SPATA20: variants seen among roughly 807,000 people sequenced by gnomAD.
SPATA20 encodes spermatogenesis-associated protein 20.
A neutral mutation model predicts 98.9 loss-of-function variants in SPATA20; 74 were observed. The observed-to-expected ratio is 0.75, with a 90% CI of 0.62 to 0.91. SPATA20 has a LOEUF of 0.91. Among genes scored for constraint, SPATA20 ranks in the 40% least tolerant of loss-of-function variants. The pLI is 0.00. For missense variants in SPATA20, 1,016 were observed against 1,069.8 expected (o/e 0.95, Z 0.70); for synonymous variants, 430 against 440.5 (o/e 0.98, Z 0.30).
chr17:50,549,850 T>TAG, intron 7 of SPATA20, 135 bp from the exon 8 acceptor site: 1 of 1,002,236 alleles, frequency 1.0e-6, no homozygotes, highest in South Asian at 1.6e-5. Context: ...GGTTGACTCT[T>TAG]GACCTCACAG....
Position 50,554,240 on chromosome 17 carries a change from A to G in SPATA20, c.1958-11A>G, listed in dbSNP as rs2144070814. 1 of 1,613,560 alleles carries G rather than the reference A, an allele frequency of 6.2e-7. No individual in the cohort carries two copies. The highest frequency in any genetic ancestry group is 8.5e-7 in the Non-Finnish European group (1 of 1,179,852). On this transcript the variant is annotated splice_polypyrimidine_tract_variant and intron_variant, in intron 14 of 16. Transcript: ENST00000006658. The stretch of plus-strand genomic sequence containing the variant: ...CCTTACCCCCACCCCCTGCCTCCCT[A>G]TGTGCTGTAGACCAGGATGGAGCAG...
Position 50,550,689 on chromosome 17 carries a change from A to G in SPATA20, c.1174-19A>G. 1 of 1,613,258 alleles carries G rather than the reference A, an allele frequency of 6.2e-7. No individual in the cohort carries two copies. The highest frequency in any genetic ancestry group is 1.7e-5 in the Admixed American group (1 of 60,024). On this transcript the variant is annotated intron_variant, in intron 10 of 16. Coordinates refer to ENST00000006658, the MANE Select transcript of SPATA20 (RefSeq NM_022827.4). ...ACTGCCCTGTGGGCCGGGGCCAGCC[A>G]ACTCTCCCCTCCCCACAGTCCGGAG...
chr17:50,551,343 C>A, intron 12 of SPATA20, 153 bp downstream of exon 12: 1 of 1,151,680 alleles, frequency 8.7e-7, no homozygotes, highest in Non-Finnish European at 1.2e-6. Context: ...GTAACCCGCC[C>A]AAGGTCACGC....
At chr17:50,549,218 G>A (rs774935416) in intron 6 of SPATA20, 32 bp downstream of exon 6, 13 of 1,595,252 alleles carry the variant, frequency 8.1e-6, no homozygotes, top group South Asian at 1.1e-5. Flanking sequence ...GGGGGACCAG[G>A]GTGGGGGACT....
chr17:50,551,081 T>A lies in SPATA20; in HGVS notation c.1467T>A (p.Asp489Glu). 1 of 1,613,040 alleles carries A rather than the reference T, an allele frequency of 6.2e-7. No homozygotes were observed. Among genetic ancestry groups the A allele is most frequent in the South Asian group, 1.1e-5 (1 of 91,080 alleles). Residue 489 changes from aspartate to glutamate, a missense_variant, in exon 12 of 17, where the codon GAT becomes GAA. Transcript: ENST00000006658. Reference sequence around the variant, plus strand: ...TGACTGCTGCCCGCTTTGGCTTGGATGTGGAGGCCGTGCGGACCTTGCTCA... The same window carrying A: ...TGACTGCTGCCCGCTTTGGCTTGGAAGTGGAGGCCGTGCGGACCTTGCTCA... ...LELTAARFGL[D>E]VEAVRTLLNS...
In SPATA20 at chr17:50,548,544, C is replaced by T. The variant is rs777319046; in HGVS notation, c.297-10C>T. ...GGCTACTGAGTGATGCCCCACCCTGCTGGGTCTAGGTACCCCTGGGGACAG... is the reference window on the plus strand; with the variant it reads ...GGCTACTGAGTGATGCCCCACCCTGTTGGGTCTAGGTACCCCTGGGGACAG... On this transcript the variant is annotated splice_polypyrimidine_tract_variant and intron_variant, in intron 3 of 16. Coordinates refer to ENST00000006658, the MANE Select transcript of SPATA20 (RefSeq NM_022827.4). The T allele has an allele frequency of 6.2e-7, 1 of 1,613,636 alleles. No homozygotes were observed. The highest frequency in any genetic ancestry group is 8.5e-7 in the Non-Finnish European group (1 of 1,179,794).
At chr17:50,547,874 G>A in intron 2 of SPATA20, 107 bp downstream of exon 2, 1 of 1,166,058 alleles carries the variant, frequency 8.6e-7, no homozygotes, top group Non-Finnish European at 1.3e-6. Context: ...ACCAACAGTA[G>A]GCTGCCTTCC....
chr17:50,555,368 C>G, intron 16 of SPATA20, 56 bp downstream of exon 16: 1 of 1,592,136 alleles, frequency 6.3e-7, no homozygotes, highest in Non-Finnish European at 8.6e-7. Flanking sequence ...CCCTCCCATC[C>G]TCAGCTCCTC....
At chr17:50,548,734 T>G in intron 4 of SPATA20, 76 bp from the exon 5 acceptor site, 1 of 1,593,056 alleles carries the variant, frequency 6.3e-7, no homozygotes, top group African/African-American at 1.3e-5. Context: ...ACGTCTTCCA[T>G]GTAGCCAGGG....
intron 13 of SPATA20, 82 bp from the exon 14 acceptor site, chr17:50,551,887 A>G (rs2035021940): frequency 1.5e-6 from 2 of 1,355,642 alleles, no homozygotes; most frequent in African/African-American, 1.5e-5. Context: ...TTAAGTGAAC[A>G]AATGCGTGAA....
At position 50,550,196 on chromosome 17, in the gene SPATA20, G is replaced by T. The variant is rs781172250; in HGVS notation, c.994-12G>T. The T allele has an allele frequency of 1.3e-5, 21 of 1,612,746 alleles. No homozygotes were observed. Among genetic ancestry groups the T allele is most frequent in the Non-Finnish European group, 1.6e-5 (19 of 1,179,778 alleles). On this transcript the variant is annotated splice_polypyrimidine_tract_variant and intron_variant, in intron 8 of 16. Coordinates refer to ENST00000006658, the MANE Select transcript of SPATA20 (RefSeq NM_022827.4). The stretch of plus-strand genomic sequence containing the variant: ...GAAGCTGGGACTGGCCTCCAGCTTT[G>T]TATCCGCACAGGGCTTTCACCGCTA...
chr17:50,552,144 G>A lies in SPATA20; in HGVS notation c.1921G>A (p.Glu641Lys). The change falls in exon 14 of 17, where the codon GAG becomes AAG. Residue 641 changes from glutamate (E) to lysine (K), a missense_variant. Glu to Lys is a moderately conservative substitution (Grantham distance 56). Transcript: ENST00000006658. ...QGGGYFCSEAELGAGLPLRLK... is the reference protein window; with the variant it reads ...QGGGYFCSEAKLGAGLPLRLK... ...TGGCGGCTACTTCTGCAGTGAGGCT[G>A]AGCTGGGGGCTGGCCTGCCCCTGCG... 6.2e-7 allele frequency: 1 copy of A among 1,613,812 alleles called. No individual in the cohort carries two copies. The highest frequency in any genetic ancestry group is 1.1e-5 in the South Asian group (1 of 91,082).
chr17:50,548,520 GCTA>G, intron 3 of SPATA20, 31 bp from the exon 4 acceptor site: 3 of 1,613,454 alleles, frequency 1.9e-6, no homozygotes, highest in Non-Finnish European at 2.5e-6. Flanking sequence ...GACCCCCTGG[GCTA>G]CTGAGTGATG....
In SPATA20 at chr17:50,549,096, C is replaced by T. The variant is rs745874128; in HGVS notation, c.570C>T (p.Leu190=). The change falls in exon 6 of 17, where the codon CTC becomes CTT. Residue 190 remains leucine, a synonymous_variant. Transcript: ENST00000006658. ...WPMNVWLTPN[L]QPFVGGTYFP... is the part of the protein sequence containing the mutation. The stretch of plus-strand genomic sequence containing the variant: ...TGAATGTGTGGCTGACTCCCAACCT[C>T]CAGCCCTTTGTCGGGGGCACCTATT... 1.2e-6 allele frequency: 2 copies of T among 1,613,494 alleles called. No homozygotes were observed. Among genetic ancestry groups the T allele is most frequent in the Admixed American group, 3.3e-5 (2 of 59,990 alleles).
At position 50,552,006 on chromosome 17, in the gene SPATA20, T is replaced by G; in HGVS notation, c.1783T>G (p.Phe595Val). 6.2e-7 allele frequency: 1 copy of G among 1,612,258 alleles called. No individual in the cohort carries two copies. ...PCWGFLEDYA[F>V]VVRGLLDLYE... Reference sequence around the variant, plus strand: ...CTGGGGCTTCCTGGAGGACTACGCCTTCGTGGTGCGGGGCCTGCTGGACCT... The same window carrying G: ...CTGGGGCTTCCTGGAGGACTACGCCGTCGTGGTGCGGGGCCTGCTGGACCT... The change falls in exon 14 of 17, where the codon TTC becomes GTC. Residue 595 changes from phenylalanine to valine, a missense_variant. Physicochemically the swap from Phe to Val is conservative, Grantham distance 50. Transcript: ENST00000006658.
chr17:50,552,637 C>T (rs571155776), intron 14 of SPATA20, among the ~76,000 whole-genome samples: 1 of 148,440 alleles, frequency 6.7e-6, no homozygotes, highest in African/African-American at 2.5e-5. Flanking sequence ...TCTTGGCTCA[C>T]AGCAACCTCT....
At chr17:50,548,482 G>C (rs756321901) in intron 3 of SPATA20, 29 bp downstream of exon 3, 1 of 1,613,564 alleles carries the variant, frequency 6.2e-7, no homozygotes, top group Non-Finnish European at 8.5e-7. Context: ...GCCCTGCCTG[G>C]AATCGCTGGG....
rs1168295633 is a variant in SPATA20, at chr17:50,550,807, C to T, written c.1273C>T (p.Gln425Ter). ...AYYVWTVKEV[Q>*]QLLPEPVLGA... ...CTATGTGTGGACGGTCAAAGAGGTT[C>T]AGCAGCTCCTCCCGGAGCCTGTGTT... The change falls in exon 11 of 17, where the codon CAG becomes TAG. Residue 425 changes from glutamine to a stop codon, truncating the protein, a stop_gained. Transcript: ENST00000006658. LOFTEE classifies it high-confidence loss of function. 3.5e-5 allele frequency: 57 copies of T among 1,613,068 alleles called. No homozygotes were observed. Among genetic ancestry groups the T allele is most frequent in the Non-Finnish European group, 4.8e-5 (57 of 1,180,034 alleles).
chr17:50,550,195 TG>T lies in SPATA20; in HGVS notation c.994-12del. ...AGAAGCTGGGACTGGCCTCCAGCTT[TG>T]TATCCGCACAGGGCTTTCACCGCTA... On this transcript the variant is annotated splice_polypyrimidine_tract_variant and intron_variant, in intron 8 of 16. Transcript: ENST00000006658. 1 of 1,612,640 alleles carries T rather than the reference TG, an allele frequency of 6.2e-7. No individual in the cohort carries two copies. Among genetic ancestry groups the T allele is most frequent in the Non-Finnish European group, 8.5e-7 (1 of 1,179,704 alleles).
Sources: allele counts gnomAD v4.1 joint callset (sites outside exome capture counted in the v4.1 genomes callset), GRCh38; gene constraint gnomAD v4.1.1; transcripts MANE v1.5; gene names NCBI Gene and HGNC (gene_info 2026-07-23, HGNC 2026-07-21).